SLC4A4: variants seen among roughly 807,000 people sequenced by gnomAD.
SLC4A4 encodes electrogenic sodium bicarbonate cotransporter 1.
SLC4A4 carries 27 observed loss-of-function variants against 111.5 expected under a neutral mutation model. The observed-to-expected ratio is 0.24, with a 90% CI of 0.18 to 0.33. The LOEUF is 0.33. SLC4A4 is among the 10% of genes least tolerant of loss of function. The probability of loss-of-function intolerance (pLI) is 1.00; values close to 1 mark genes in which losing one functional copy is unlikely to be tolerated. For missense variants in SLC4A4, 909 were observed against 1,315.5 expected, an observed-to-expected ratio of 0.69 and a Z score of 4.78; for synonymous variants, 443 against 463.4, an observed-to-expected ratio of 0.96 and a Z score of 0.57.
rs149579789 is a variant in SLC4A4 at position 71,531,662 on chromosome 4, T to A, written c.2167-400T>A. ...CAGATTTTTATAATATGTACTTAGT[T>A]TTCATTCTTATGCAGGTGACCTTCA... is the stretch of plus-strand genomic sequence containing the variant. On this transcript the variant is annotated intron_variant, in intron 16 of 25. Coordinates refer to ENST00000264485, the MANE Select transcript of SLC4A4 (RefSeq NM_001098484.3). Among the ~76,000 whole-genome samples, 484 of 151,870 alleles carry A rather than the reference T, an allele frequency of 3.2e-3. 4 individuals are homozygous for A. Among genetic ancestry groups the A allele is most frequent in the African/African-American group, 0.011 (449 of 41,408 alleles).
Position 71,142,995 on chromosome 4 carries a change from C to A in SLC4A4, c.-2+50203C>A, listed in dbSNP as rs1057371606. Among the ~76,000 whole-genome samples the A allele has an allele frequency of 4.3e-4, 65 of 151,604 alleles. 1 individual carries two copies. Among genetic ancestry groups the A allele is most frequent in the Admixed American group, 1.4e-3 (22 of 15,200 alleles). ...TAAGTTTTAGGGTACATGTGCACAA[C>A]CTGCAGGTTTGTTACATATGTATAC... is the stretch of plus-strand genomic sequence containing the variant. On this transcript the variant is annotated intron_variant, in intron 2 of 26. Transcript: ENST00000649996.
intron 14 of SLC4A4, among the ~76,000 whole-genome samples, chr4:71,483,173 T>G (rs1457434337): frequency 1.3e-5 from 2 of 151,676 alleles, no homozygotes; most frequent in East Asian, 1.9e-4. Flanking sequence ...CTGTTTTTGT[T>G]TTTGTAACTT....
intron 7 of SLC4A4, among the ~76,000 whole-genome samples, chr4:71,424,126 A>T (rs972210794): frequency 6.6e-5 from 10 of 152,264 alleles, no homozygotes; most frequent in African/African-American, 2.4e-4. Context: ...ATCTACAATG[A>T]ACTCAAACAA....
intron 2 of SLC4A4, among the ~76,000 whole-genome samples, chr4:71,152,751 G>A (rs569948064): frequency 1.8e-4 from 28 of 152,060 alleles, no homozygotes; most frequent in African/African-American, 6.5e-4. Flanking sequence ...CCAGGTTAAG[G>A]ATGGGTCTGC....
chr4:71,109,913 G>T (rs1393424513), intron 2 of SLC4A4, among the ~76,000 whole-genome samples: 2 of 152,168 alleles, frequency 1.3e-5, no homozygotes, highest in African/African-American at 4.8e-5. Flanking sequence ...CCAAAGTTGT[G>T]TGCAAGGTTG....
chr4:71,065,596 A>G (rs539601013), intron 1 of SLC4A4, among the ~76,000 whole-genome samples: 1 of 152,296 alleles, frequency 6.6e-6, no homozygotes, highest in Admixed American at 6.5e-5. Context: ...ATATATTCTA[A>G]TCCCAGAACA....
chr4:71,523,522 T>C lies in SLC4A4; in HGVS notation c.2167-8540T>C, dbSNP rs1445043340. Among the ~76,000 whole-genome samples, 11 of 152,114 alleles carry C rather than the reference T, an allele frequency of 7.2e-5. No homozygotes were observed. The East Asian group carries it at 1.9e-3, about 27-fold the overall frequency. On this transcript the variant is annotated intron_variant, in intron 16 of 25. Coordinates refer to ENST00000264485, the MANE Select transcript of SLC4A4 (RefSeq NM_001098484.3). ...AAGAAAAATAGGTTGGGAGCAGTGATTGGCCAAAACATTTCGAGAAAGCTT... is the reference window on the plus strand; with the variant it reads ...AAGAAAAATAGGTTGGGAGCAGTGACTGGCCAAAACATTTCGAGAAAGCTT...
chr4:71,157,563 AC>A (rs5859251), intron 2 of SLC4A4, among the ~76,000 whole-genome samples: 5,354 of 152,254 alleles, frequency 0.035, 315 homozygotes, highest in African/African-American at 0.12. Flanking sequence ...ATTTTTGCAT[AC>A]ATTATAGAAT....
At chr4:71,532,554 G>A (rs1300631475) in intron 17 of SLC4A4, among the ~76,000 whole-genome samples, 1 of 152,008 alleles carries the variant, frequency 6.6e-6, no homozygotes, top group African/African-American at 2.4e-5. Context: ...TGCCTAGGCT[G>A]GAGTGTGGTG....
intron 1 of SLC4A4, among the ~76,000 whole-genome samples, chr4:71,065,567 G>T (rs1424607277): frequency 1.3e-5 from 2 of 152,154 alleles, no homozygotes; most frequent in Non-Finnish European, 2.9e-5. Context: ...AGGACAGAAA[G>T]ATCTATTTGA....
chr4:71,079,625 A>T (rs1215218670), intron 1 of SLC4A4, among the ~76,000 whole-genome samples: 1 of 151,942 alleles, frequency 6.6e-6, no homozygotes, highest in Non-Finnish European at 1.5e-5. Flanking sequence ...AAATACAAAA[A>T]ATTAGCTGGG....
chr4:71,442,955 A>G (rs929217901), intron 8 of SLC4A4, among the ~76,000 whole-genome samples: 2 of 151,322 alleles, frequency 1.3e-5, no homozygotes, highest in African/African-American at 4.9e-5. Flanking sequence ...CCCTCTTGCC[A>G]TTCATGTGAA....
intron 16 of SLC4A4, among the ~76,000 whole-genome samples, chr4:71,520,659 C>G (rs1339138329): frequency 6.6e-6 from 1 of 152,200 alleles, no homozygotes; most frequent in African/African-American, 2.4e-5. Flanking sequence ...ATTTCCTATA[C>G]TCTTCTAGGC....
chr4:71,552,775 G>A (rs1736131469), intron 20 of SLC4A4, among the ~76,000 whole-genome samples: 4 of 151,706 alleles, frequency 2.6e-5, no homozygotes, highest in Admixed American at 6.6e-5. Flanking sequence ...TTCTTGATAT[G>A]CCTGTATGGT....
chr4:71,224,885 G>A (rs551090349), intron 1 of SLC4A4, among the ~76,000 whole-genome samples: 166 of 152,324 alleles, frequency 1.1e-3, no homozygotes, highest in African/African-American at 3.8e-3. Context: ...CTCATCACAT[G>A]TACTGTGTGA....
In SLC4A4 at chr4:71,206,042, C is replaced by T. The variant is rs149755802; in HGVS notation, c.-2+18641C>T. On this transcript the variant is annotated intron_variant, in intron 1 of 25. Transcript: ENST00000264485. ...ATTGCTCATTGACTATGTCGTAGAA[C>T]GCATTTGGGAAGTAGGATAATTCTT... Among the ~76,000 whole-genome samples, 82 of 152,198 alleles carry T rather than the reference C, an allele frequency of 5.4e-4. No individual in the cohort carries two copies. The East Asian group carries it at 0.014, about 25-fold the overall frequency.
chr4:71,296,534 G>C (rs1272149019), intron 3 of SLC4A4, among the ~76,000 whole-genome samples: 2 of 151,938 alleles, frequency 1.3e-5, no homozygotes, highest in Admixed American at 1.3e-4. Flanking sequence ...TATTTTTTTG[G>C]GGGGGAACCA....
intron 2 of SLC4A4, among the ~76,000 whole-genome samples, chr4:71,133,213 A>G (rs1186341998): frequency 6.6e-6 from 1 of 152,236 alleles, no homozygotes; most frequent in Non-Finnish European, 1.5e-5. Flanking sequence ...CATGGGAACC[A>G]TTAAGACATC....
At chr4:71,537,221 G>A (rs1039162587) in intron 18 of SLC4A4, among the ~76,000 whole-genome samples, 7 of 142,514 alleles carry the variant, frequency 4.9e-5, no homozygotes, top group African/African-American at 1.8e-4. Flanking sequence ...AGACTCTAAT[G>A]CGTTTTCATG....
Sources: gnomAD v4.1 joint callset for allele counts (sites outside exome capture counted in the v4.1 genomes callset) on GRCh38, gnomAD v4.1.1 for gene constraint, MANE v1.5 for transcripts, NCBI Gene and HGNC (gene_info 2026-07-23, HGNC 2026-07-21) for gene names.